STX2: variants seen among roughly 807,000 people sequenced by gnomAD.
STX2 encodes the protein syntaxin 2, also known as syntaxin-2.
STX2 carries 27 observed loss-of-function variants against 40.6 expected under a neutral mutation model. That is an observed-to-expected ratio of 0.66 (90% CI 0.49 to 0.92). The LOEUF is 0.92. STX2 is among the 40% of genes least tolerant of loss of function. STX2 has a pLI of 0.00. For synonymous variants in STX2, 123 were observed against 119.1 expected (o/e 1.03, Z -0.22); for missense variants, 328 against 366.1 (o/e 0.90, Z 0.85).
chr12:130,808,168 G>T (rs751066571), intron 5 of STX2, among the ~76,000 whole-genome samples: 1 of 152,124 alleles, frequency 6.6e-6, no homozygotes, highest in Non-Finnish European at 1.5e-5. Flanking sequence ...ACTGGCCCAC[G>T]TAAGAGGCGG....
chr12:130,790,262 G>A lies in STX2; in HGVS notation c.*1761C>T, dbSNP rs1185092814. On this transcript the variant is annotated 3_prime_UTR_variant, in exon 11 of 11. Transcript: ENST00000392373. ...GACGCATCATGGATGAGGGAGATTCGGAATTGTGTTAAGTAAGGGACGCGG... is the reference window on the plus strand; with the variant it reads ...GACGCATCATGGATGAGGGAGATTCAGAATTGTGTTAAGTAAGGGACGCGG... 5.9e-5 allele frequency: 9 copies of A among 152,184 alleles called. No homozygotes were observed. Among genetic ancestry groups the A allele is most frequent in the Admixed American group, 5.2e-4 (8 of 15,286 alleles). 9.4% of individuals were successfully genotyped at this position (152,184 alleles called of 1,614,324 possible).
intron 3 of STX2, among the ~76,000 whole-genome samples, chr12:130,818,185 A>AAAAAATATATATATATAC: frequency 1.4e-5 from 1 of 70,588 alleles, no homozygotes; most frequent in Non-Finnish European, 2.3e-5. Flanking sequence ...AAAAAAAAAA[A>AAAAAATATATATATATAC]ATATATATAT....
intron 5 of STX2, among the ~76,000 whole-genome samples, chr12:130,807,817 T>C (rs965654331): frequency 1.3e-5 from 2 of 152,196 alleles, no homozygotes; most frequent in African/African-American, 4.8e-5. Flanking sequence ...TCACACTCAC[T>C]ATCCCAAAGG....
At chr12:130,797,662 C>T (rs1336419389) in intron 9 of STX2, among the ~76,000 whole-genome samples, 1 of 152,194 alleles carries the variant, frequency 6.6e-6, no homozygotes, top group Non-Finnish European at 1.5e-5. Context: ...ATGTGAAAAA[C>T]CCATAATCTC....
At chr12:130,815,757 G>A (rs1157611923) in intron 3 of STX2, among the ~76,000 whole-genome samples, 2 of 152,176 alleles carry the variant, frequency 1.3e-5, no homozygotes, top group Admixed American at 1.3e-4. Context: ...TTGTTTGTAG[G>A]GGGGCAAGCG....
chr12:130,795,851 A>C (rs546228941), intron 10 of STX2, 144 bp downstream of exon 10: 1 of 1,008,630 alleles, frequency 9.9e-7, no homozygotes. Flanking sequence ...GAATCAGCAC[A>C]CAGGCAGATG....
intron 6 of STX2, among the ~76,000 whole-genome samples, chr12:130,803,506 C>CA (rs1189077783): frequency 6.6e-6 from 1 of 151,682 alleles, no homozygotes; most frequent in Non-Finnish European, 1.5e-5. Context: ...CTCGTCTCTA[C>CA]AAAAAATAAA....
At chr12:130,814,172 G>A (rs1167745685) in intron 3 of STX2, among the ~76,000 whole-genome samples, 1 of 151,806 alleles carries the variant, frequency 6.6e-6, no homozygotes, top group Admixed American at 6.6e-5. Context: ...GACAGGTCAC[G>A]CACCAGTGAC....
chr12:130,832,513 A>G (rs1430616398), intron 1 of STX2, among the ~76,000 whole-genome samples: 1 of 152,134 alleles, frequency 6.6e-6, no homozygotes, highest in African/African-American at 2.4e-5. Flanking sequence ...CACTTGCAAT[A>G]AATTGGATGC....
chr12:130,821,514 A>G (rs991746196), intron 3 of STX2, among the ~76,000 whole-genome samples, 175 bp downstream of exon 3: 1 of 152,118 alleles, frequency 6.6e-6, no homozygotes, highest in African/African-American at 2.4e-5. Context: ...AGAAAAAAAA[A>G]ACATACAGAT....
intron 4 of STX2, among the ~76,000 whole-genome samples, chr12:130,809,223 T>C (rs1951554415): frequency 6.6e-6 from 1 of 151,992 alleles, no homozygotes; most frequent in African/African-American, 2.4e-5. Context: ...CATACACACA[T>C]ATATACACAG....
chr12:130,806,878 T>A, intron 6 of STX2, 104 bp downstream of exon 6: 1 of 1,093,252 alleles, frequency 9.1e-7, no homozygotes, highest in Non-Finnish European at 1.3e-6. Context: ...ACACTATTGG[T>A]GAAAATAGAC....
chr12:130,819,684 G>C (rs1952038237), intron 3 of STX2, among the ~76,000 whole-genome samples: 1 of 152,246 alleles, frequency 6.6e-6, no homozygotes, highest in Admixed American at 6.5e-5. Flanking sequence ...CATTAAGCAT[G>C]ATGTTAACAG....
chr12:130,811,725 G>A (rs141470727), intron 4 of STX2, among the ~76,000 whole-genome samples: 3 of 151,912 alleles, frequency 2.0e-5, no homozygotes, highest in Non-Finnish European at 2.9e-5. Flanking sequence ...ATTTTTAGTA[G>A]AGACGGGGTT....
At chr12:130,795,586 A>G (rs1951003430) in intron 10 of STX2, among the ~76,000 whole-genome samples, 3 of 152,216 alleles carry the variant, frequency 2.0e-5, no homozygotes, top group Admixed American at 2.0e-4. Context: ...TAATTTTTTT[A>G]AAAATTAGCC....
At chr12:130,834,400 G>A (rs914094381) in intron 1 of STX2, among the ~76,000 whole-genome samples, 1 of 149,708 alleles carries the variant, frequency 6.7e-6, no homozygotes, top group Non-Finnish European at 1.5e-5. Context: ...GAGAGAAGGC[G>A]CAGAGGGAGA....
At chr12:130,832,637 G>A (rs1952609656) in intron 1 of STX2, among the ~76,000 whole-genome samples, 1 of 152,188 alleles carries the variant, frequency 6.6e-6, no homozygotes, top group Non-Finnish European at 1.5e-5. Flanking sequence ...ATGAAGCCTA[G>A]AGAGCGTGAA....
chr12:130,797,531 C>T (rs1951068586), intron 9 of STX2, among the ~76,000 whole-genome samples: 1 of 152,202 alleles, frequency 6.6e-6, no homozygotes, highest in Non-Finnish European at 1.5e-5. Context: ...GCTGAGCCTG[C>T]AGCCCGGGGG....
rs370208045 is a variant in STX2 at position 130,818,186 on chromosome 12, ATATATATATAT to A, written c.205+3492_205+3502del. 2.2e-3 allele frequency among the ~76,000 whole-genome samples: 136 copies of A among 62,302 alleles called. 1 individual carries two copies. The highest frequency in any genetic ancestry group is 4.0e-3 in the East Asian group (11 of 2,760). The allele number at this position is 62,302 out of a possible 152,430, so 40.9% of individuals were successfully genotyped here. A position where few individuals can be genotyped will look rare whatever the true frequency, so the allele number is the denominator to read the frequency against. On this transcript the variant is annotated intron_variant, in intron 3 of 10. Transcript: ENST00000392373. ...CTGTTTCTACAAAAAAAAAAAAAAA[ATATATATATAT>A]ATATATATATATATATATATAAAAT...
Sources: allele counts gnomAD v4.1 joint callset (sites outside exome capture counted in the v4.1 genomes callset), GRCh38; gene constraint gnomAD v4.1.1; transcripts MANE v1.5; gene names NCBI Gene and HGNC (gene_info 2026-07-23, HGNC 2026-07-21).